The following LUZP2 variants were observed in gnomAD, a reference collection of about 807,000 sequenced individuals.
LUZP2 encodes leucine zipper protein 2.
LUZP2 carries 52 observed loss-of-function variants against 51.6 expected under a neutral mutation model. The ratio of observed to expected loss-of-function variants is 1.01; its 90% CI spans 0.81 to 1.27. LUZP2 has a LOEUF of 1.27. Ranked by LOEUF, LUZP2 falls within the 50% of genes most tolerant of loss-of-function variation. The probability of loss-of-function intolerance (pLI) is 0.00; values close to 1 mark genes in which losing one functional copy is unlikely to be tolerated. For missense variants in LUZP2, 436 were observed against 395.4 expected, an observed-to-expected ratio of 1.10 and a Z score of -0.87; for synonymous variants, 154 against 137.3, an observed-to-expected ratio of 1.12 and a Z score of -0.85.
chr11:24,960,663 G>A (rs749806431), intron 7 of LUZP2, among the ~76,000 whole-genome samples: 9 of 151,994 alleles, frequency 5.9e-5, no homozygotes, highest in Non-Finnish European at 1.2e-4. Flanking sequence ...CTTGCTAGCG[G>A]TCTATCAATT....
intron 5 of LUZP2, among the ~76,000 whole-genome samples, chr11:24,842,886 C>T (rs1409538286): frequency 6.6e-6 from 1 of 151,158 alleles, no homozygotes; most frequent in African/African-American, 2.4e-5. Context: ...GGAAGAAAAG[C>T]AAATTAAACC....
chr11:24,822,349 A>C (rs1850386569), intron 5 of LUZP2, among the ~76,000 whole-genome samples: 1 of 152,144 alleles, frequency 6.6e-6, no homozygotes, highest in Non-Finnish European at 1.5e-5. Flanking sequence ...GACATCCCAT[A>C]CAGAGGTGAA....
chr11:24,576,229 G>T (rs1443338897), intron 1 of LUZP2, among the ~76,000 whole-genome samples: 1 of 151,124 alleles, frequency 6.6e-6, no homozygotes, highest in Admixed American at 6.6e-5. Context: ...TGGCCAACAT[G>T]GTGAAAACCC....
intron 10 of LUZP2, among the ~76,000 whole-genome samples, chr11:25,067,382 A>C (rs1266181039): frequency 6.6e-6 from 1 of 151,996 alleles, no homozygotes; most frequent in Admixed American, 6.6e-5. Flanking sequence ...TCTTTATTTT[A>C]ATTAGGTCCC....
At chr11:25,006,145 G>T (rs1387540079) in intron 9 of LUZP2, among the ~76,000 whole-genome samples, 1 of 152,066 alleles carries the variant, frequency 6.6e-6, no homozygotes, top group Non-Finnish European at 1.5e-5. Flanking sequence ...TTTCTGATTG[G>T]TGAGCCCGGG....
intron 1 of LUZP2, among the ~76,000 whole-genome samples, chr11:24,627,889 C>T (rs959620708): frequency 6.6e-6 from 1 of 152,192 alleles, no homozygotes; most frequent in African/African-American, 2.4e-5. Context: ...ACACCCCTCC[C>T]TTCAATGTGT....
chr11:24,497,588 T>C (rs1160653064), intron 1 of LUZP2, among the ~76,000 whole-genome samples: 2 of 152,122 alleles, frequency 1.3e-5, no homozygotes, highest in East Asian at 1.9e-4. Context: ...CCGGTCCTAT[T>C]AGTAGCCAAA....
Position 24,976,573 on chromosome 11 carries a change from TTA to T in LUZP2, c.523-16_523-15del. On this transcript the variant is annotated splice_polypyrimidine_tract_variant and intron_variant, in intron 7 of 11. Transcript: ENST00000336930. ...AAATTGCAGAATTTATCTAGAAGAT[TTA>T]TCTCTTATTTTACAGGCGCAGCAGC... The T allele has an allele frequency of 6.4e-7, 1 of 1,556,954 alleles. No homozygotes were observed. Among genetic ancestry groups the T allele is most frequent in the South Asian group, 1.2e-5 (1 of 84,248 alleles).
chr11:24,534,581 G>A (rs953131110), intron 1 of LUZP2, among the ~76,000 whole-genome samples: 3 of 151,148 alleles, frequency 2.0e-5, no homozygotes, highest in East Asian at 1.9e-4. Context: ...ACATTTAAAA[G>A]GATAAAGTAA....
At chr11:24,723,664 A>G (rs1858362769) in intron 1 of LUZP2, among the ~76,000 whole-genome samples, 1 of 151,952 alleles carries the variant, frequency 6.6e-6, no homozygotes, top group South Asian at 2.1e-4. Flanking sequence ...CCATCTCTAC[A>G]AAAAATTAAA....
chr11:25,077,509 TA>T lies in LUZP2; in HGVS notation c.936+104del, dbSNP rs912807685. On this transcript the variant is annotated intron_variant, in intron 11 of 11. Transcript: ENST00000336930. The stretch of plus-strand genomic sequence containing the variant: ...TATTATTTTTTATTTTTTATTTATT[TA>T]TTTTTTTGAGACAGAGTCTTGCTCT... The T allele has an allele frequency of 4.5e-3, 1,895 of 420,120 alleles. 6 individuals carry two copies. Among genetic ancestry groups the T allele is most frequent in the East Asian group, 0.01 (114 of 11,204 alleles). 26.0% of individuals were successfully genotyped at this position (420,120 alleles called of 1,614,324 possible). A position where few individuals can be genotyped will look rare whatever the true frequency, so the allele number is the denominator to read the frequency against.
Position 24,888,234 on chromosome 11 carries a change from T to C in LUZP2, c.397-17757T>C, listed in dbSNP as rs117020018. ...CTGCAGATGCCTCCCCCTACTTGGT[T>C]CTTGCCTGTTTTCTGAGCCTTATTC... On this transcript the variant is annotated intron_variant, in intron 5 of 11. Transcript: ENST00000336930. 6.7e-3 allele frequency among the ~76,000 whole-genome samples: 1,022 copies of C among 152,208 alleles called. 16 individuals are homozygous for C. The highest frequency in any genetic ancestry group is 0.057 in the East Asian group (293 of 5,158).
intron 1 of LUZP2, among the ~76,000 whole-genome samples, chr11:24,664,132 C>T (rs1046172388): frequency 6.6e-6 from 1 of 151,890 alleles, no homozygotes; most frequent in Non-Finnish European, 1.5e-5. Flanking sequence ...GAACTCAGAA[C>T]ACAGGAAAAT....
intron 5 of LUZP2, among the ~76,000 whole-genome samples, chr11:24,829,766 T>C (rs1036392165): frequency 2.0e-5 from 3 of 152,268 alleles, no homozygotes; most frequent in South Asian, 2.1e-4. Flanking sequence ...TTCTAGAGAG[T>C]ATGTGTGTTA....
intron 5 of LUZP2, among the ~76,000 whole-genome samples, chr11:24,771,418 T>C (rs1317251144): frequency 6.8e-6 from 1 of 146,930 alleles, no homozygotes; most frequent in African/African-American, 2.5e-5. Flanking sequence ...ATTTTTAACT[T>C]TGCATTTCTC....
chr11:24,686,544 T>C (rs1355423815), intron 1 of LUZP2, among the ~76,000 whole-genome samples: 1 of 152,186 alleles, frequency 6.6e-6, no homozygotes, highest in Admixed American at 6.5e-5. Context: ...ATTCTAAATG[T>C]GTAAGTATAT....
intron 9 of LUZP2, among the ~76,000 whole-genome samples, chr11:25,017,511 TG>T (rs1857193143): frequency 1.3e-5 from 2 of 152,198 alleles, no homozygotes; most frequent in South Asian, 4.1e-4. Context: ...ATTTATTGAA[TG>T]GGGTGTTGTT....
chr11:24,851,631 A>G (rs2631454), intron 5 of LUZP2, among the ~76,000 whole-genome samples: 22,966 of 152,148 alleles, frequency 0.15, 1,878 homozygotes, highest in African/African-American at 0.2. Context: ...CTGGCCTCAT[A>G]AAATGATTTA....
chr11:24,528,687 A>G (rs1296696712), intron 1 of LUZP2, among the ~76,000 whole-genome samples: 12 of 151,150 alleles, frequency 7.9e-5, no homozygotes, highest in Non-Finnish European at 1.8e-4. Context: ...GAGTGGCCAT[A>G]ACAAAGCAAC....
Sources: allele counts gnomAD v4.1 joint callset (sites outside exome capture counted in the v4.1 genomes callset), GRCh38; gene constraint gnomAD v4.1.1; transcripts MANE v1.5; gene names NCBI Gene and HGNC (gene_info 2026-07-23, HGNC 2026-07-21).